Variants in ADGRG2 observed in about 807,000 individuals in gnomAD.
ADGRG2 encodes the protein G protein-coupled receptor 64.
A neutral mutation model predicts 74.1 loss-of-function variants in ADGRG2; 26 were observed. That is an observed-to-expected ratio of 0.35 (90% confidence interval 0.26 to 0.49). ADGRG2 has a LOEUF of 0.49. ADGRG2 is among the 20% of genes least tolerant of loss of function. ADGRG2 has a pLI of 0.99. For missense variants in ADGRG2, 619 were observed against 763.1 expected, an observed-to-expected ratio of 0.81 and a Z score of 2.22; for synonymous variants, 296 against 295.2, an observed-to-expected ratio of 1.00 and a Z score of -0.03.
intron 2 of ADGRG2, among the ~76,000 whole-genome samples, chrX:19,082,072 C>CAAAAAAAAAAAA (rs57534658): frequency 1.9e-4 from 4 of 21,210 alleles, no homozygotes; most frequent in Admixed American, 8.4e-4. Flanking sequence ...GACCCTGTCT[C>CAAAAAAAAAAAA]AAAAAAAAAA....
intron 19 of ADGRG2, 60 bp from the exon 20 acceptor site, chrX:19,007,417 A>G (rs1214487379): frequency 2.9e-6 from 3 of 1,041,355 alleles, no homozygotes; most frequent in Non-Finnish European, 4.0e-6. Context: ...AGCTAGAAGG[A>G]ACACTAAGGA....
At chrX:19,068,630 C>A in intron 3 of ADGRG2, 87 bp downstream of exon 3, 1 of 454,895 alleles carries the variant, frequency 2.2e-6, no homozygotes, top group South Asian at 4.7e-5. Flanking sequence ...TGTTATTTTA[C>A]CACAGTAAAA....
Position 18,999,259 on chromosome X carries a change from G to C in ADGRG2, c.2351C>G (p.Ala784Gly). 1 of 1,194,777 alleles carries C rather than the reference G, an allele frequency of 8.4e-7. No individual in the cohort carries two copies. Among genetic ancestry groups the C allele is most frequent in the Non-Finnish European group, 1.1e-6 (1 of 885,188 alleles). The change falls in exon 26 of 29, where the codon GCA becomes GGA. Residue 784 changes from alanine (A) to glycine (G), a missense_variant. By Grantham distance (60) the Ala-to-Gly change is moderately conservative (BLOSUM62 0). This residue lies in a region of ADGRG2 where 221 missense variants were observed against 340.6 expected (regional missense o/e 0.65). Coordinates refer to ENST00000379869, the MANE Select transcript of ADGRG2 (RefSeq NM_001079858.3). ...PDDFCWINNNAVFYITVVGYF... is the reference protein window; with the variant it reads ...PDDFCWINNNGVFYITVVGYF... ...TCCCACCACCGTAATGTAGAATACT[G>C]CATTGTTGTTGATCCAGCAGCTGGA...
At chrX:19,019,326 G>T (rs143244282) in intron 15 of ADGRG2, among the ~76,000 whole-genome samples, 1 of 111,665 alleles carries the variant, frequency 9.0e-6, no homozygotes, top group Non-Finnish European at 1.9e-5. Context: ...CTATCAGACC[G>T]TCAAACATGT....
At chrX:19,045,755 T>C (rs1329601717) in intron 3 of ADGRG2, among the ~76,000 whole-genome samples, 1 of 111,562 alleles carries the variant, frequency 9.0e-6, no homozygotes, top group Non-Finnish European at 1.9e-5. Flanking sequence ...GAAGGAATCC[T>C]AACATTCTCT....
At chrX:19,034,587 G>A (rs1316610707) in intron 7 of ADGRG2, 2 of 112,085 alleles carry the variant, frequency 1.8e-5, no homozygotes, top group African/African-American at 3.2e-5. Flanking sequence ...TGTGACCCAT[G>A]AGCCAATGAT....
chrX:19,104,916 CA>C (rs1001242331), intron 1 of ADGRG2, among the ~76,000 whole-genome samples: 1,430 of 23,340 alleles, frequency 0.061, 17 homozygotes, highest in African/African-American at 0.18. Flanking sequence ...GACTCTGTCT[CA>C]AAAAAAAAAA....
chrX:19,011,477 T>C (rs1260579622), intron 16 of ADGRG2, among the ~76,000 whole-genome samples: 2 of 112,448 alleles, frequency 1.8e-5, no homozygotes, highest in Non-Finnish European at 3.8e-5. Flanking sequence ...AGCACAAGTA[T>C]ACTTGTATTT....
At position 19,049,438 on chromosome X, in the gene ADGRG2, GTT is replaced by G. The variant is rs752686975; in HGVS notation, c.119-9216_119-9215del. ...TGTGTCATATATAAGCGTTTTTTGTGTTTTTTTTTTTTTTTTTTTGTTGTTGT... is the reference window on the plus strand; with the variant it reads ...TGTGTCATATATAAGCGTTTTTTGTGTTTTTTTTTTTTTTTTTGTTGTTGT... On this transcript the variant is annotated intron_variant, in intron 3 of 28. Coordinates refer to ENST00000379869, the MANE Select transcript of ADGRG2 (RefSeq NM_001079858.3). 1.5e-3 allele frequency among the ~76,000 whole-genome samples: 127 copies of G among 82,146 alleles called. 1 individual carries two copies. Among genetic ancestry groups the G allele is most frequent in the African/African-American group, 6.5e-3 (114 of 17,512 alleles). 71.3% of individuals were successfully genotyped at this position (82,146 alleles called of 115,157 possible).
intron 3 of ADGRG2, among the ~76,000 whole-genome samples, chrX:19,055,803 G>A (rs962878358): frequency 7.5e-5 from 8 of 106,269 alleles, no homozygotes; most frequent in African/African-American, 2.4e-4. Context: ...GCACAATATC[G>A]GATCACTGCA....
At chrX:19,079,666 C>A (rs2061810351) in intron 2 of ADGRG2, among the ~76,000 whole-genome samples, 1 of 112,210 alleles carries the variant, frequency 8.9e-6, no homozygotes, top group Admixed American at 9.5e-5. Flanking sequence ...CATATGGCAT[C>A]ATTGCAGTGT....
At chrX:19,019,548 ATTTTTTT>A (rs372068061) in intron 15 of ADGRG2, 44 bp downstream of exon 15, 9 of 529,817 alleles carry the variant, frequency 1.7e-5, no homozygotes, top group African/African-American at 2.7e-5. Context: ...TAGCATGGTG[ATTTTTTT>A]TTTTTTTTTT....
At chrX:19,093,223 G>A (rs2062040204) in intron 1 of ADGRG2, among the ~76,000 whole-genome samples, 1 of 111,694 alleles carries the variant, frequency 9.0e-6, no homozygotes, top group South Asian at 3.8e-4. Flanking sequence ...GATTTCAATC[G>A]GGCTTTTGTG....
At chrX:19,048,147 C>T (rs2061234224) in intron 3 of ADGRG2, among the ~76,000 whole-genome samples, 1 of 111,422 alleles carries the variant, frequency 9.0e-6, no homozygotes, top group African/African-American at 3.3e-5. Context: ...CCCTCCAGAA[C>T]TCATCCTGGT....
rs778254689 is a variant in ADGRG2, at chrX:19,016,679, G to A, written c.711-2605C>T. On this transcript the variant is annotated intron_variant, in intron 15 of 28. Transcript: ENST00000379869. ...CATCTAGCATTAGGTATATCTCCCA[G>A]TGCTATCCCTCCCCCCTCCCCCCAC... Among the ~76,000 whole-genome samples, 636 of 92,816 alleles carry A rather than the reference G, an allele frequency of 6.9e-3. 1 individual carries two copies. Among genetic ancestry groups the A allele is most frequent in the Middle Eastern group, 0.015 (3 of 198 alleles). 80.6% of individuals were successfully genotyped at this position (92,816 alleles called of 115,157 possible). A position where few individuals can be genotyped will look rare whatever the true frequency, so the allele number is the denominator to read the frequency against.
intron 28 of ADGRG2, among the ~76,000 whole-genome samples, chrX:18,992,933 A>G (rs1274957153): frequency 8.9e-6 from 1 of 111,891 alleles, no homozygotes; most frequent in African/African-American, 3.2e-5. Flanking sequence ...AGAGCCCCAG[A>G]TGACCCTGCT....
At chrX:19,040,059 G>C in intron 4 of ADGRG2, 130 bp downstream of exon 4, 1 of 488,814 alleles carries the variant, frequency 2.0e-6, no homozygotes, top group Non-Finnish European at 3.6e-6. Flanking sequence ...TCAGGTGTAG[G>C]CTTAATGACC....
intron 1 of ADGRG2, among the ~76,000 whole-genome samples, chrX:19,104,916 C>CA (rs1001242331): frequency 0.12 from 2,820 of 22,899 alleles, 157 homozygotes; most frequent in Non-Finnish European, 0.15. Flanking sequence ...GACTCTGTCT[C>CA]AAAAAAAAAA....
chrX:19,097,197 T>C (rs1345029325), intron 1 of ADGRG2, among the ~76,000 whole-genome samples: 1 of 112,800 alleles, frequency 8.9e-6, no homozygotes, highest in Non-Finnish European at 1.9e-5. Context: ...AAGGTCCTAT[T>C]GAGCTTCCTC....
Sources: allele counts gnomAD v4.1 joint callset (sites outside exome capture counted in the v4.1 genomes callset), GRCh38; gene constraint gnomAD v4.1.1; regional missense constraint gnomAD v4.1.1; transcripts MANE v1.5; gene names NCBI Gene and HGNC (gene_info 2026-07-23, HGNC 2026-07-21).